The following CSNK2A2 variants were observed in gnomAD, a reference collection of about 807,000 sequenced individuals.
CSNK2A2 encodes the protein casein kinase II subunit alpha'.
Under a neutral mutation model 54.0 loss-of-function variants are expected in CSNK2A2, and 8 were observed. That is an observed-to-expected ratio of 0.15 (90% CI 0.09 to 0.27). The LOEUF is 0.27. Ranked by LOEUF, CSNK2A2 falls within the 10% of genes least tolerant of loss-of-function variation. The pLI, the probability that CSNK2A2 is intolerant of heterozygous loss-of-function variation, is 1.00. For missense variants in CSNK2A2, 242 were observed against 439.4 expected, an observed-to-expected ratio of 0.55 and a Z score of 4.02; for synonymous variants, 141 against 153.9, an observed-to-expected ratio of 0.92 and a Z score of 0.62.
intron 2 of CSNK2A2, among the ~76,000 whole-genome samples, chr16:58,188,037 G>C (rs1441905416): frequency 6.6e-6 from 1 of 152,166 alleles, no homozygotes. Context: ...CTGTGTGTGG[G>C]GTGGGGAAGG....
intron 5 of CSNK2A2, among the ~76,000 whole-genome samples, chr16:58,171,549 G>A (rs765576048): frequency 6.6e-6 from 1 of 151,926 alleles, no homozygotes; most frequent in Admixed American, 6.6e-5. Context: ...ATCAAGAACA[G>A]GCACTACTAA....
At chr16:58,191,246 T>C (rs988303795) in intron 2 of CSNK2A2, among the ~76,000 whole-genome samples, 3 of 152,148 alleles carry the variant, frequency 2.0e-5, no homozygotes, top group South Asian at 4.1e-4. Flanking sequence ...GTTTAATGGA[T>C]AGAGTTTCCA....
intron 2 of CSNK2A2, among the ~76,000 whole-genome samples, chr16:58,191,331 A>C (rs754112712): frequency 6.6e-6 from 1 of 152,014 alleles, no homozygotes; most frequent in Non-Finnish European, 1.5e-5. Flanking sequence ...CTGTACACTT[A>C]AGAATGGTTA....
At position 58,196,771 on chromosome 16, in the gene CSNK2A2, T is replaced by C; in HGVS notation, c.178A>G (p.Ile60Val). ...KYSEVFEAINITNNERVVVKI... is the reference protein window; with the variant it reads ...KYSEVFEAINVTNNERVVVKI... ...ACAACCACTCTCTCATTGTTGGTGA[T>C]ATTAATGGCCTCAAATACTTCACTA... The change falls in exon 2 of 12, where the codon ATC (isoleucine) becomes GTC (valine). Residue 60 changes from isoleucine to valine, a missense_variant. Transcript: ENST00000262506. The C allele has an allele frequency of 6.2e-7, 1 of 1,614,008 alleles. No homozygotes were observed. The highest frequency in any genetic ancestry group is 1.3e-5 in the African/African-American group (1 of 75,048).
At chr16:58,163,183 G>C (rs11645407) in intron 11 of CSNK2A2, 2 of 142,558 alleles carry the variant, frequency 1.4e-5, no homozygotes, top group African/African-American at 5.3e-5. Context: ...CTGTTTCAGA[G>C]AGGTGCATTA....
rs548571150 is a variant in CSNK2A2 at position 58,189,898 on chromosome 16, T to C, written c.217-3042A>G. 2.0e-5 allele frequency among the ~76,000 whole-genome samples: 3 copies of C among 152,284 alleles called. No individual in the cohort carries two copies. The East Asian group carries it at 5.8e-4, about 29-fold the overall frequency. The stretch of plus-strand genomic sequence containing the variant: ...AGAGATGCTCGAGAAACTAAACCAA[T>C]GAGCTCTGAGGAGCTGAAAGTGATC... On this transcript the variant is annotated intron_variant, in intron 2 of 11. Transcript: ENST00000262506.
At chr16:58,192,306 T>G (rs1241614784) in intron 2 of CSNK2A2, among the ~76,000 whole-genome samples, 6 of 152,128 alleles carry the variant, frequency 3.9e-5, no homozygotes, top group Non-Finnish European at 8.8e-5. Flanking sequence ...TACATGAAAA[T>G]GGGCACACTA....
intron 5 of CSNK2A2, among the ~76,000 whole-genome samples, chr16:58,170,927 C>A (rs1444805792): frequency 1.3e-5 from 2 of 152,098 alleles, no homozygotes; most frequent in African/African-American, 4.8e-5. Context: ...CTAATCTTAA[C>A]AAGCACCTGA....
intron 10 of CSNK2A2, among the ~76,000 whole-genome samples, chr16:58,164,398 T>A (rs148375767): frequency 1.3e-5 from 2 of 152,338 alleles, no homozygotes; most frequent in Admixed American, 6.5e-5. Flanking sequence ...CTAAGAGGCA[T>A]AGAAACTCTA....
rs1961566597 is a variant in CSNK2A2 at position 58,166,495 on chromosome 16, T to A, written c.827+89A>T. The A allele has an allele frequency of 4.8e-6, 4 of 828,178 alleles. No homozygotes were observed. The Admixed American group carries it at 5.7e-5, about 12-fold the overall frequency. 51.3% of individuals were successfully genotyped at this position (828,178 alleles called of 1,614,324 possible). On this transcript the variant is annotated intron_variant, in intron 9 of 11. Coordinates refer to ENST00000262506, the MANE Select transcript of CSNK2A2 (RefSeq NM_001896.4). ...GAGGGCTACTTCCATTTTACTATAATCAGAATGGGAAAAGAAAGTGATTTT... is the reference window on the plus strand; with the variant it reads ...GAGGGCTACTTCCATTTTACTATAAACAGAATGGGAAAAGAAAGTGATTTT...
intron 5 of CSNK2A2, among the ~76,000 whole-genome samples, chr16:58,173,150 A>C (rs1406150491): frequency 6.6e-6 from 1 of 152,168 alleles, no homozygotes; most frequent in East Asian, 1.9e-4. Context: ...TTTTATCCAC[A>C]CCAATGCTTC....
intron 4 of CSNK2A2, among the ~76,000 whole-genome samples, chr16:58,179,659 C>A (rs1022123795): frequency 1.3e-5 from 2 of 152,166 alleles, no homozygotes; most frequent in Non-Finnish European, 2.9e-5. Context: ...GAGAAAAATG[C>A]AAATTCACAA....
intron 4 of CSNK2A2, among the ~76,000 whole-genome samples, chr16:58,180,368 A>C (rs1272227483): frequency 3.6e-5 from 5 of 138,588 alleles, no homozygotes; most frequent in Non-Finnish European, 7.7e-5. Flanking sequence ...CAGATACTCC[A>C]GAGTTTTTTT....
intron 11 of CSNK2A2, chr16:58,162,256 C>CAT (rs2142404191): frequency 6.6e-6 from 1 of 152,280 alleles, no homozygotes; most frequent in African/African-American, 2.4e-5. Flanking sequence ...TGCTGCCTGA[C>CAT]ATATCAATAC....
chr16:58,193,798 T>G (rs1962371024), intron 2 of CSNK2A2, among the ~76,000 whole-genome samples: 1 of 152,196 alleles, frequency 6.6e-6, no homozygotes, highest in Admixed American at 6.5e-5. Context: ...ACGCTTACCA[T>G]TTTCCTCCTC....
At chr16:58,171,973 ATATATATTTTTTTTT>A (rs1961752275) in intron 5 of CSNK2A2, among the ~76,000 whole-genome samples, 1 of 37,834 alleles carries the variant, frequency 2.6e-5, no homozygotes, top group Non-Finnish European at 4.7e-5. Flanking sequence ...ATATATATAT[ATATATATTTTTTTTT>A]TTTTTTTTTT....
chr16:58,168,182 G>C (rs1315164909), intron 6 of CSNK2A2, among the ~76,000 whole-genome samples: 1 of 152,036 alleles, frequency 6.6e-6, no homozygotes, highest in African/African-American at 2.4e-5. Flanking sequence ...CAGGACTGAA[G>C]CATTGCTCTA....
intron 6 of CSNK2A2, among the ~76,000 whole-genome samples, chr16:58,168,190 C>T (rs896793291): frequency 3.9e-5 from 6 of 152,014 alleles, no homozygotes; most frequent in African/African-American, 1.5e-4. Context: ...AAGCATTGCT[C>T]TAATGATTTA....
chr16:58,163,540 A>G (rs1187602322), intron 11 of CSNK2A2: 1 of 152,236 alleles, frequency 6.6e-6, no homozygotes, highest in Non-Finnish European at 1.5e-5. Context: ...TCATTAAAAA[A>G]TACATAAAAC....
Sources: allele counts gnomAD v4.1 joint callset (sites outside exome capture counted in the v4.1 genomes callset), GRCh38; gene constraint gnomAD v4.1.1; transcripts MANE v1.5; gene names NCBI Gene and HGNC (gene_info 2026-07-23, HGNC 2026-07-21).